The following KANK3 variants were observed in gnomAD, a reference collection of about 807,000 sequenced individuals.
KANK3 encodes the protein KN motif and ankyrin repeat domain-containing protein 3.
In KANK3, 61 loss-of-function variants were observed where a neutral mutation model predicts 65.4. That is an observed-to-expected ratio of 0.93 (90% CI 0.76 to 1.15). The LOEUF (loss-of-function observed/expected upper bound fraction) is 1.15, where lower values mean the gene tolerates loss of function less well. KANK3 is among the 50% of genes most tolerant of loss of function. The probability of loss-of-function intolerance (pLI) is 0.00; values close to 1 mark genes in which losing one functional copy is unlikely to be tolerated. For synonymous variants in KANK3, 586 were observed against 543.3 expected, an observed-to-expected ratio of 1.08 and a Z score of -1.09; for missense variants, 1,187 against 1,178.8, an observed-to-expected ratio of 1.01 and a Z score of -0.10.
rs752728156 is a variant in KANK3, at chr19:8,337,642, G to A, written c.34+153C>T. Among the ~76,000 whole-genome samples the A allele has an allele frequency of 2.1e-4, 32 of 152,176 alleles. No individual in the cohort carries two copies. In the Middle Eastern group the frequency reaches 0.01, roughly 49 times the overall value. On this transcript the variant is annotated intron_variant, in intron 2 of 10. Coordinates refer to ENST00000330915, the MANE Select transcript of KANK3 (RefSeq NM_198471.3). ...ATTACAGGCATGAGCCACCGCACCC[G>A]GCCATGATTGATGCCATAGGTGGTT...
chr19:8,336,402 A>T (rs1005726683), intron 2 of KANK3, among the ~76,000 whole-genome samples: 1 of 144,606 alleles, frequency 6.9e-6, no homozygotes, highest in African/African-American at 2.6e-5. Flanking sequence ...GCACCAATGC[A>T]CTCCAGCCTG....
intron 7 of KANK3, 66 bp downstream of exon 7, chr19:8,332,948 G>C (rs1479001487): frequency 1.5e-6 from 2 of 1,351,534 alleles, no homozygotes; most frequent in South Asian, 1.3e-5. Flanking sequence ...TTTGAGCCTA[G>C]GTCAGCCCCT....
At position 8,334,524 on chromosome 19, in the gene KANK3, C is replaced by A; in HGVS notation, c.1303G>T (p.Gly435Ter). 1 of 1,603,956 alleles carries A rather than the reference C, an allele frequency of 6.2e-7. No individual in the cohort carries two copies. Among genetic ancestry groups the A allele is most frequent in the Non-Finnish European group, 8.5e-7 (1 of 1,179,572 alleles). The change falls in exon 3 of 11, where the codon GGA becomes TGA. Residue 435 changes from glycine (G) to a stop codon, truncating the protein, a stop_gained. Transcript: ENST00000330915. LOFTEE classifies it high-confidence loss of function. ...TQESSPGSMD[G>*]DRAVAPAGIL... is the part of the protein sequence containing the mutation. ...CCCGCGGGCGCCACGGCCCTGTCTC[C>A]GTCCATGGATCCGGGCGAGCTCTCC...
At chr19:8,329,838 G>A (rs551155426) in intron 7 of KANK3, among the ~76,000 whole-genome samples, 2 of 152,318 alleles carry the variant, frequency 1.3e-5, no homozygotes, top group East Asian at 3.9e-4. Flanking sequence ...CCTGCTTTGT[G>A]TAACTTGTTA....
rs577058246 is a variant in KANK3 at position 8,340,647 on chromosome 19, CT to C, written c.-29+2577del. On this transcript the variant is annotated intron_variant, in intron 1 of 10. Coordinates refer to ENST00000330915, the MANE Select transcript of KANK3 (RefSeq NM_198471.3). Reference sequence around the variant, plus strand: ...CCTGGGACCACCTGTGTGCCTGATGCTATGAAGCACTGAGCACCCACCAGCC... The same window carrying C: ...CCTGGGACCACCTGTGTGCCTGATGCATGAAGCACTGAGCACCCACCAGCC... 2.0e-4 allele frequency among the ~76,000 whole-genome samples: 31 copies of C among 152,312 alleles called. 1 individual carries two copies. The South Asian group carries it at 6.2e-3, about 31-fold the overall frequency.
Position 8,335,386 on chromosome 19 carries a change from G to A in KANK3, c.441C>T (p.His147=). ...CGCGGCCGGGGCTGGGCGCGCGCTC[G>A]TGTGTCTGCGCCAGCTCCAGCCGCC... ...TSRRLELAQT[H]ERAPSPGRGV... is the part of the protein sequence containing the mutation. Residue 147 remains histidine (H), a synonymous_variant, in exon 3 of 11, where the codon CAC becomes CAT. Transcript: ENST00000330915. 2 of 1,199,266 alleles carry A rather than the reference G, an allele frequency of 1.7e-6. No homozygotes were observed. Among genetic ancestry groups the A allele is most frequent in the South Asian group, 4.1e-5 (1 of 24,594 alleles). The allele number at this position is 1,199,266 out of a possible 1,614,324, so 74.3% of individuals were successfully genotyped here.
rs1970669143 is a variant in KANK3 at position 8,337,857 on chromosome 19, C to T, written c.-28-1G>A. On this transcript the variant is annotated splice_acceptor_variant, in intron 1 of 10. Coordinates refer to ENST00000330915, the MANE Select transcript of KANK3 (RefSeq NM_198471.3). LOFTEE classifies it low-confidence loss of function (5UTR_SPLICE). ...TCCTGCAGCAGCTGTCAGAGGCACC[C>T]TGCAAAAGGGGTGAAGGTGGGGCTG... The T allele has an allele frequency of 1.9e-6, 3 of 1,613,106 alleles. No individual in the cohort carries two copies. The highest frequency in any genetic ancestry group is 2.5e-6 in the Non-Finnish European group (3 of 1,179,960).
chr19:8,339,975 A>AG (rs1328915393), intron 1 of KANK3, among the ~76,000 whole-genome samples: 3 of 139,456 alleles, frequency 2.2e-5, no homozygotes, highest in Admixed American at 7.7e-5. Flanking sequence ...AAAAAAAAAA[A>AG]AAAAAAAAAG....
intron 7 of KANK3, among the ~76,000 whole-genome samples, chr19:8,326,351 C>A (rs1489703844): frequency 6.6e-6 from 1 of 151,736 alleles, no homozygotes; most frequent in Non-Finnish European, 1.5e-5. Flanking sequence ...ATCACTTGAA[C>A]CTGGGAGCTG....
At position 8,322,755 on chromosome 19, in the gene KANK3, C is replaced by T; in HGVS notation, c.*84G>A. 2 of 1,055,434 alleles carry T rather than the reference C, an allele frequency of 1.9e-6. No individual in the cohort carries two copies. Among genetic ancestry groups the T allele is most frequent in the Non-Finnish European group, 1.4e-6 (1 of 701,522 alleles). 65.4% of individuals were successfully genotyped at this position (1,055,434 alleles called of 1,614,324 possible). A position where few individuals can be genotyped will look rare whatever the true frequency, so the allele number is the denominator to read the frequency against. ...AGTGTTAGCCTCTGAGCAGGGGACC[C>T]TGGACCCTTCTGTGCGCCAAAGGCT... On this transcript the variant is annotated 3_prime_UTR_variant, in exon 11 of 11. Coordinates refer to ENST00000330915, the MANE Select transcript of KANK3 (RefSeq NM_198471.3).
At position 8,332,816 on chromosome 19, in the gene KANK3, A is replaced by AAAAATAAAAT. The variant is rs71175837; in HGVS notation, c.1936+188_1936+197dup. ...TGGTGACAGTGTGAAACTCCGTCTCAAAAATAAAATAAAATAAAATAAAAT... is the reference window on the plus strand; with the variant it reads ...TGGTGACAGTGTGAAACTCCGTCTCAAAAATAAAATAAAATAAAATAAAATAAAATAAAAT... On this transcript the variant is annotated intron_variant, in intron 7 of 10. Coordinates refer to ENST00000330915, the MANE Select transcript of KANK3 (RefSeq NM_198471.3). 6.3e-4 allele frequency: 151 copies of AAAAATAAAAT among 240,084 alleles called. 2 individuals carry two copies. Among genetic ancestry groups the AAAAATAAAAT allele is most frequent in the African/African-American group, 2.8e-3 (118 of 41,664 alleles). 14.9% of individuals were successfully genotyped at this position (240,084 alleles called of 1,614,324 possible). A position where few individuals can be genotyped will look rare whatever the true frequency, so the allele number is the denominator to read the frequency against.
chr19:8,327,374 G>T (rs1200293128), intron 7 of KANK3, among the ~76,000 whole-genome samples: 1 of 151,972 alleles, frequency 6.6e-6, no homozygotes, highest in East Asian at 1.9e-4. Context: ...GCTCACGTCT[G>T]TAATCCCAGC....
At position 8,334,996 on chromosome 19, in the gene KANK3, T is replaced by C; in HGVS notation, c.831A>G (p.Ala277=). 6.7e-7 allele frequency: 1 copy of C among 1,485,052 alleles called. No individual in the cohort carries two copies. The allele number at this position is 1,485,052 out of a possible 1,614,324, so 92.0% of individuals were successfully genotyped here. Residue 277 remains alanine (A), a synonymous_variant, in exon 3 of 11, where the codon GCA becomes GCG. Transcript: ENST00000330915. The part of the protein sequence containing the change: ...PRADSPDGLA[A]GRSEGALQVL... ...CCTGGAGCGCGCCCTCGCTGCGCCC[T>C]GCAGCCAGGCCGTCTGGGCTGTCAG...
chr19:8,332,844 A>G, intron 7 of KANK3, 170 bp downstream of exon 7: 1 of 375,038 alleles, frequency 2.7e-6, no homozygotes. Flanking sequence ...AATAAAATAA[A>G]ATAAAATAAT....
chr19:8,328,535 G>A (rs547670588), intron 7 of KANK3, among the ~76,000 whole-genome samples: 2 of 152,130 alleles, frequency 1.3e-5, no homozygotes, highest in South Asian at 4.1e-4. Flanking sequence ...GGTCGGGTGA[G>A]AGAGGGGTAT....
At chr19:8,335,889 T>C in intron 2 of KANK3, 97 bp from the exon 3 acceptor site, 3 of 821,656 alleles carry the variant, frequency 3.7e-6, no homozygotes, top group Non-Finnish European at 4.9e-6. Flanking sequence ...ATGCCCACGC[T>C]TCACACCTAT....
chr19:8,334,250 G>A, intron 4 of KANK3, 70 bp downstream of exon 4: 2 of 1,592,542 alleles, frequency 1.3e-6, no homozygotes, highest in Non-Finnish European at 1.7e-6. Flanking sequence ...CCAGTAGAGG[G>A]GCAGAGCTGG....
intron 7 of KANK3, among the ~76,000 whole-genome samples, chr19:8,328,725 G>C (rs1359215081): frequency 4.6e-5 from 7 of 152,080 alleles, no homozygotes; most frequent in Admixed American, 2.0e-4. Context: ...GAAGTGGGGA[G>C]CTGAGAAGTG....
chr19:8,333,917 G>C lies in KANK3; in HGVS notation c.1627C>G (p.Gln543Glu). 1 of 1,580,708 alleles carries C rather than the reference G, an allele frequency of 6.3e-7. No individual in the cohort carries two copies. The highest frequency in any genetic ancestry group is 8.6e-7 in the Non-Finnish European group (1 of 1,165,930). Reference sequence around the variant, plus strand: ...CTAGCGAGCGCCGCTCACCTCCCCTGTGCCACCTGCTGAGGCTCTGCCTCC... The same window carrying C: ...CTAGCGAGCGCCGCTCACCTCCCCTCTGCCACCTGCTGAGGCTCTGCCTCC... The part of the protein sequence containing the change: ...EAEAEPQQVA[Q>E]GRCELSPRLR... The change falls in exon 5 of 11, where the codon CAG becomes GAG. Residue 543 changes from glutamine to glutamate, a missense_variant. Physicochemically the swap from Gln to Glu is conservative, Grantham distance 29. Transcript: ENST00000330915. The surrounding 1 kb of genome is among the most constrained non-coding windows in gnomAD (Gnocchi z 5.0).
Sources: allele counts gnomAD v4.1 joint callset (sites outside exome capture counted in the v4.1 genomes callset), GRCh38; gene constraint gnomAD v4.1.1; non-coding constraint Gnocchi (gnomAD v3.1); transcripts MANE v1.5; gene names NCBI Gene and HGNC (gene_info 2026-07-23, HGNC 2026-07-21).